EPM2A: variants seen among roughly 807,000 people sequenced by gnomAD.
The protein encoded by EPM2A is EPM2A glucan phosphatase, laforin.
EPM2A carries 21 observed loss-of-function variants against 26.5 expected under a neutral mutation model. The ratio of observed to expected loss-of-function variants is 0.79; its 90% CI spans 0.56 to 1.14. The LOEUF is 1.14. EPM2A is among the 50% of genes most tolerant of loss of function. The pLI, the probability that EPM2A is intolerant of heterozygous loss-of-function variation, is 0.00. For missense variants in EPM2A, 458 were observed against 440.8 expected, an observed-to-expected ratio of 1.04 and a Z score of -0.35; for synonymous variants, 217 against 177.6, an observed-to-expected ratio of 1.22 and a Z score of -1.76.
chr6:145,482,865 C>CTTTT (rs10668205), intron 4 of EPM2A, among the ~76,000 whole-genome samples: 11 of 147,518 alleles, frequency 7.5e-5, no homozygotes, highest in South Asian at 2.1e-4. Flanking sequence ...TATAGCTATT[C>CTTTT]TTTTTTTTTT....
chr6:145,460,946 A>C (rs1779322732), intron 4 of EPM2A, among the ~76,000 whole-genome samples: 1 of 152,180 alleles, frequency 6.6e-6, no homozygotes, highest in South Asian at 2.1e-4. Flanking sequence ...GCATATCGAC[A>C]TGAAGTATTA....
chr6:145,493,837 A>T (rs1424209043), intron 4 of EPM2A, among the ~76,000 whole-genome samples: 1 of 152,232 alleles, frequency 6.6e-6, no homozygotes, highest in African/African-American at 2.4e-5. Context: ...GATGAAGCCT[A>T]GCTCATCATG....
At chr6:145,432,117 A>ACAGT (rs1291047876) in intron 4 of EPM2A, among the ~76,000 whole-genome samples, 1 of 152,138 alleles carries the variant, frequency 6.6e-6, no homozygotes, top group African/African-American at 2.4e-5. Context: ...TACCACACCT[A>ACAGT]CAGTTGCTTT....
chr6:145,652,034 C>T (rs886966190), intron 2 of EPM2A, among the ~76,000 whole-genome samples: 2 of 152,134 alleles, frequency 1.3e-5, no homozygotes, highest in Admixed American at 1.3e-4. Context: ...AATTTTCTGA[C>T]TAGGAGCTGT....
At chr6:145,502,357 G>A (rs1442489413) in intron 3 of EPM2A, among the ~76,000 whole-genome samples, 1 of 152,232 alleles carries the variant, frequency 6.6e-6, no homozygotes, top group East Asian at 1.9e-4. Flanking sequence ...AACTCAGCCT[G>A]CCTTATTTCC....
chr6:145,519,987 A>G (rs1299910852), intron 2 of EPM2A, among the ~76,000 whole-genome samples: 1 of 152,176 alleles, frequency 6.6e-6, no homozygotes, highest in Non-Finnish European at 1.5e-5. Context: ...TCATATTTTG[A>G]CACTGAATCC....
At chr6:145,723,304 G>C (rs1776035611) in intron 1 of EPM2A, among the ~76,000 whole-genome samples, 1 of 152,046 alleles carries the variant, frequency 6.6e-6, no homozygotes, top group Admixed American at 6.6e-5. Context: ...ACTGAGTGGG[G>C]ACATGTCAAT....
chr6:145,624,499 A>C (rs1775705495), downstream of EPM2A, among the ~76,000 whole-genome samples: 1 of 152,152 alleles, frequency 6.6e-6, no homozygotes, highest in African/African-American at 2.4e-5. Flanking sequence ...TATCACAATA[A>C]ATCTCCGAAC....
At chr6:145,529,222 T>C (rs558802047) in intron 2 of EPM2A, among the ~76,000 whole-genome samples, 8 of 152,184 alleles carry the variant, frequency 5.3e-5, no homozygotes, top group Non-Finnish European at 1.5e-5. Context: ...TAAATTTAGT[T>C]GATAAATCAG....
At chr6:145,436,218 A>G (rs1464319654) in intron 4 of EPM2A, among the ~76,000 whole-genome samples, 1 of 152,224 alleles carries the variant, frequency 6.6e-6, no homozygotes, top group African/African-American at 2.4e-5. Flanking sequence ...TTGTACAGAT[A>G]TATCACATAT....
At chr6:145,384,479 A>C (rs1778232198) in intron 4 of EPM2A, among the ~76,000 whole-genome samples, 2 of 147,850 alleles carry the variant, frequency 1.4e-5, no homozygotes, top group African/African-American at 5.0e-5. Flanking sequence ...CAATAAAGGC[A>C]TAAGCTAACT....
chr6:145,394,577 C>G (rs144573791), intron 4 of EPM2A, among the ~76,000 whole-genome samples: 1 of 152,068 alleles, frequency 6.6e-6, no homozygotes, highest in East Asian at 1.9e-4. Flanking sequence ...GTAACACACC[C>G]GTATTACCTG....
intron 2 of EPM2A, among the ~76,000 whole-genome samples, chr6:145,592,675 A>G (rs1781290993): frequency 6.6e-6 from 1 of 152,126 alleles, no homozygotes; most frequent in African/African-American, 2.4e-5. Flanking sequence ...TCACCATTCT[A>G]ACTGGTGTGG....
At chr6:145,523,479 C>T (rs1330636420) in intron 2 of EPM2A, among the ~76,000 whole-genome samples, 1 of 152,174 alleles carries the variant, frequency 6.6e-6, no homozygotes, top group Non-Finnish European at 1.5e-5. Flanking sequence ...CAAACTTGTT[C>T]ACTATTATTA....
intron 1 of EPM2A, among the ~76,000 whole-genome samples, chr6:145,701,310 C>T (rs993339416): frequency 2.6e-5 from 4 of 152,130 alleles, no homozygotes; most frequent in Non-Finnish European, 5.9e-5. Flanking sequence ...AGGTGAGAAG[C>T]CAGGTAGCCC....
At chr6:145,614,826 G>T (rs1282958417) in intron 2 of EPM2A, among the ~76,000 whole-genome samples, 6 of 152,272 alleles carry the variant, frequency 3.9e-5, no homozygotes, top group African/African-American at 1.4e-4. Flanking sequence ...GAATAATAAT[G>T]AAATTTGAAA....
chr6:145,701,069 G>T (rs1262240911), intron 1 of EPM2A, among the ~76,000 whole-genome samples: 1 of 152,160 alleles, frequency 6.6e-6, no homozygotes. Context: ...GAGAAACTAG[G>T]TTGTTTTAAA....
chr6:145,628,327 G>A (rs1775981789), intron 3 of EPM2A: 1 of 153,798 alleles, frequency 6.5e-6, no homozygotes, highest in African/African-American at 2.4e-5. Context: ...TATAATTTGG[G>A]GTTTACTTCA....
intron 2 of EPM2A, among the ~76,000 whole-genome samples, chr6:145,600,023 AT>A (rs766587275): frequency 2.0e-5 from 3 of 152,176 alleles, no homozygotes; most frequent in Non-Finnish European, 4.4e-5. Flanking sequence ...ATTTCTGGAT[AT>A]AAAAATGATA....
Sources: allele counts gnomAD v4.1 joint callset (sites outside exome capture counted in the v4.1 genomes callset), GRCh38; gene constraint gnomAD v4.1.1; transcripts MANE v1.5; gene names NCBI Gene and HGNC (gene_info 2026-07-23, HGNC 2026-07-21).